GNAQ: variants seen among roughly 807,000 people sequenced by gnomAD.
The protein encoded by GNAQ is G protein subunit alpha q.
A neutral mutation model predicts 43.9 loss-of-function variants in GNAQ; 8 were observed. The ratio of observed to expected loss-of-function variants is 0.18; its 90% CI spans 0.11 to 0.33. The LOEUF (loss-of-function observed/expected upper bound fraction) is 0.33. GNAQ is among the 10% of genes least tolerant of loss of function. The probability of loss-of-function intolerance (pLI) is 1.00; values close to 1 mark genes in which losing one functional copy is unlikely to be tolerated. For synonymous variants in GNAQ, 155 were observed against 170.7 expected, an observed-to-expected ratio of 0.91 and a Z score of 0.71; for missense variants, 158 against 450.8, an observed-to-expected ratio of 0.35 and a Z score of 5.88.
chr9:77,765,079 C>T (rs999944820), intron 5 of GNAQ, among the ~76,000 whole-genome samples: 6 of 151,934 alleles, frequency 3.9e-5, no homozygotes, highest in Non-Finnish European at 7.4e-5. Context: ...GTGAGAGTAC[C>T]ACCTAGTGGA....
At chr9:77,919,186 C>A (rs1261110435) in intron 2 of GNAQ, among the ~76,000 whole-genome samples, 1 of 152,146 alleles carries the variant, frequency 6.6e-6, no homozygotes, top group East Asian at 1.9e-4. Context: ...TCCGTAAGTG[C>A]TAGGATTACA....
At chr9:77,743,971 T>C (rs1006326123) in intron 5 of GNAQ, among the ~76,000 whole-genome samples, 6 of 152,182 alleles carry the variant, frequency 3.9e-5, no homozygotes, top group Admixed American at 1.3e-4. Flanking sequence ...CCTCTGACTT[T>C]AGGAATGTAA....
intron 5 of GNAQ, among the ~76,000 whole-genome samples, chr9:77,741,066 G>C (rs1016436312): frequency 6.6e-6 from 1 of 152,156 alleles, no homozygotes; most frequent in Non-Finnish European, 1.5e-5. Context: ...TTCTTACTTT[G>C]ATTTTTTTCA....
chr9:77,732,580 G>A (rs1414889843), intron 5 of GNAQ, among the ~76,000 whole-genome samples: 1 of 152,166 alleles, frequency 6.6e-6, no homozygotes, highest in African/African-American at 2.4e-5. Context: ...TGGCCAGGCT[G>A]GTAATGAACT....
intron 5 of GNAQ, among the ~76,000 whole-genome samples, chr9:77,768,392 A>G (rs918562518): frequency 1.3e-5 from 2 of 152,162 alleles, no homozygotes; most frequent in Non-Finnish European, 2.9e-5. Context: ...TGCTCAATAA[A>G]TATTTAGCCC....
intron 1 of GNAQ, among the ~76,000 whole-genome samples, chr9:77,991,994 A>AT (rs1313059600): frequency 6.6e-6 from 1 of 152,136 alleles, no homozygotes; most frequent in East Asian, 1.9e-4. Flanking sequence ...CTGGTTCCAT[A>AT]TTTTTGCAAT....
chr9:77,794,649 C>T (rs979405827), intron 4 of GNAQ, 57 bp from the exon 5 acceptor site: 2 of 1,082,606 alleles, frequency 1.8e-6, no homozygotes, highest in African/African-American at 3.2e-5. Flanking sequence ...AAAAAGTCAA[C>T]ATAAATATAG....
At chr9:77,818,204 C>T (rs1827052478) in intron 2 of GNAQ, among the ~76,000 whole-genome samples, 1 of 152,096 alleles carries the variant, frequency 6.6e-6, no homozygotes, top group Non-Finnish European at 1.5e-5. Context: ...TTGCCTTCAC[C>T]TAGGTTGGAA....
intron 2 of GNAQ, among the ~76,000 whole-genome samples, chr9:77,861,731 G>A (rs554191208): frequency 6.6e-6 from 1 of 152,234 alleles, no homozygotes; most frequent in African/African-American, 2.4e-5. Flanking sequence ...GGTCAGGCAT[G>A]GTGGCTCACG....
At position 77,721,151 on chromosome 9, in the gene GNAQ, A is replaced by G. The variant is rs959421529; in HGVS notation, c.*172T>C. The G allele has an allele frequency of 6.7e-5, 35 of 519,940 alleles. No homozygotes were observed. Among genetic ancestry groups the G allele is most frequent in the African/African-American group, 6.0e-4 (31 of 51,252 alleles). The allele number at this position is 519,940 out of a possible 1,614,324, so 32.2% of individuals were successfully genotyped here. On this transcript the variant is annotated 3_prime_UTR_variant, in exon 7 of 7. Transcript: ENST00000286548. The stretch of plus-strand genomic sequence containing the variant: ...AGCATCCTCTGTTTTTCCTCTGAAT[A>G]GTTTAAATAAAATCATAATATTTAC...
intron 5 of GNAQ, among the ~76,000 whole-genome samples, chr9:77,761,433 C>A (rs1475505425): frequency 7.3e-6 from 1 of 137,082 alleles, no homozygotes; most frequent in East Asian, 2.4e-4. Flanking sequence ...CCAGCCGCCC[C>A]TTCCGGGAGG....
Position 77,716,644 on chromosome 9 carries a change from T to C in GNAQ, c.*4679A>G, listed in dbSNP as rs557778576. 91 of 232,946 alleles carry C rather than the reference T, an allele frequency of 3.9e-4. No homozygotes were observed. The highest frequency in any genetic ancestry group is 1.9e-3 in the African/African-American group (87 of 45,452). 14.4% of individuals were successfully genotyped at this position (232,946 alleles called of 1,614,324 possible). Reference sequence around the variant, plus strand: ...TTCTTTCCTGAACTTAAAAATGTTCTACCAACGAATACCTTTCTGTTTTTT... The same window carrying C: ...TTCTTTCCTGAACTTAAAAATGTTCCACCAACGAATACCTTTCTGTTTTTT... On this transcript the variant is annotated 3_prime_UTR_variant, in exon 7 of 7. Coordinates refer to ENST00000286548, the MANE Select transcript of GNAQ (RefSeq NM_002072.5).
At chr9:77,781,494 G>A (rs1014464175) in intron 5 of GNAQ, among the ~76,000 whole-genome samples, 1 of 150,610 alleles carries the variant, frequency 6.6e-6, no homozygotes, top group Admixed American at 6.6e-5. Context: ...AGCAGAAGGA[G>A]GGAATACCTC....
chr9:77,925,140 C>T (rs986006072), intron 1 of GNAQ, among the ~76,000 whole-genome samples: 8 of 152,048 alleles, frequency 5.3e-5, no homozygotes, highest in African/African-American at 7.2e-5. Flanking sequence ...GGTTACTGCA[C>T]CAGCTCTTAC....
chr9:77,998,136 G>C (rs1275009242), intron 1 of GNAQ, among the ~76,000 whole-genome samples: 1 of 152,156 alleles, frequency 6.6e-6, no homozygotes, highest in African/African-American at 2.4e-5. Flanking sequence ...ATGCCCATGT[G>C]CAGGAAGGGC....
intron 5 of GNAQ, among the ~76,000 whole-genome samples, chr9:77,756,365 CTG>C (rs1410480693): frequency 2.6e-5 from 4 of 152,252 alleles, no homozygotes; most frequent in Admixed American, 1.3e-4. Context: ...AGCAACCTGA[CTG>C]AAAGTCTGGT....
intron 5 of GNAQ, among the ~76,000 whole-genome samples, chr9:77,759,914 T>TTTTC (rs1825965353): frequency 4.7e-5 from 7 of 149,674 alleles, no homozygotes; most frequent in African/African-American, 1.7e-4. Flanking sequence ...TTCTTTTTTT[T>TTTTC]CTTTTCCTTT....
At chr9:77,996,703 A>C (rs1823574424) in intron 1 of GNAQ, among the ~76,000 whole-genome samples, 1 of 151,872 alleles carries the variant, frequency 6.6e-6, no homozygotes. Flanking sequence ...AAAAGAAAAA[A>C]GAAAAAAAGA....
chr9:77,832,921 C>T (rs1291487456), intron 2 of GNAQ, among the ~76,000 whole-genome samples: 1 of 152,112 alleles, frequency 6.6e-6, no homozygotes, highest in Admixed American at 6.5e-5. Context: ...GAAGACACTG[C>T]TCAGACTAAC....
Sources: allele counts gnomAD v4.1 joint callset (sites outside exome capture counted in the v4.1 genomes callset), GRCh38; gene constraint gnomAD v4.1.1; transcripts MANE v1.5; gene names NCBI Gene and HGNC (gene_info 2026-07-23, HGNC 2026-07-21).